Variants in TBC1D4 observed in about 807,000 individuals in gnomAD.
TBC1D4 encodes TBC (Tre-2, BUB2, CDC16) domain-containing protein.
In TBC1D4, 121 loss-of-function variants were observed where a neutral mutation model predicts 142.5. The observed-to-expected ratio is 0.85, with a 90% CI of 0.73 to 0.99. TBC1D4 has a LOEUF of 0.99. TBC1D4 is among the 50% of genes least tolerant of loss of function. The pLI is 0.00. For synonymous variants in TBC1D4, 630 were observed against 628.2 expected, an observed-to-expected ratio of 1.00 and a Z score of -0.04; for missense variants, 1,475 against 1,606.6, an observed-to-expected ratio of 0.92 and a Z score of 1.40.
chr13:75,412,069 GAGA>G (rs1316264446), intron 1 of TBC1D4, among the ~76,000 whole-genome samples: 9 of 152,148 alleles, frequency 5.9e-5, no homozygotes, highest in African/African-American at 1.4e-4. Context: ...GCATGTCTGG[GAGA>G]AGAAGAGAAT....
intron 1 of TBC1D4, among the ~76,000 whole-genome samples, chr13:75,422,100 T>C (rs1414016100): frequency 6.6e-6 from 1 of 152,208 alleles, no homozygotes; most frequent in East Asian, 1.9e-4. Flanking sequence ...TGGTCTTAAA[T>C]ACTGTTTTAA....
At chr13:75,315,913 A>G (rs1372775137) in intron 12 of TBC1D4, among the ~76,000 whole-genome samples, 3 of 152,220 alleles carry the variant, frequency 2.0e-5, no homozygotes, top group Admixed American at 1.3e-4. Context: ...CAAAAAGCAT[A>G]TTTTTTCTAG....
chr13:75,310,704 A>G (rs1877662753), intron 13 of TBC1D4, among the ~76,000 whole-genome samples: 1 of 152,126 alleles, frequency 6.6e-6, no homozygotes, highest in Non-Finnish European at 1.5e-5. Context: ...TGGGTAAATT[A>G]CGTGACTCTG....
chr13:75,421,816 T>C (rs1886182500), intron 1 of TBC1D4, among the ~76,000 whole-genome samples: 1 of 152,198 alleles, frequency 6.6e-6, no homozygotes, highest in Admixed American at 6.5e-5. Flanking sequence ...CTATAAAAAA[T>C]ACTGACTTTA....
chr13:75,463,126 C>T, intron 1 of TBC1D4, among the ~76,000 whole-genome samples: 1 of 152,026 alleles, frequency 6.6e-6, no homozygotes, highest in East Asian at 1.9e-4. Flanking sequence ...ACTGTTAACG[C>T]ACTCACAGTA....
intron 1 of TBC1D4, among the ~76,000 whole-genome samples, 159 bp downstream of exon 1, chr13:75,481,111 A>G (rs1888845108): frequency 6.6e-6 from 1 of 152,130 alleles, no homozygotes; most frequent in Non-Finnish European, 1.5e-5. Flanking sequence ...CCCAAGGTCC[A>G]GGGAAGGGGC....
At chr13:75,323,876 G>T (rs1488601385) in intron 11 of TBC1D4, among the ~76,000 whole-genome samples, 1 of 151,690 alleles carries the variant, frequency 6.6e-6, no homozygotes, top group African/African-American at 2.4e-5. Flanking sequence ...AATATGTCTA[G>T]AAAGGCCAAG....
chr13:75,364,062 T>C (rs1324673765), intron 1 of TBC1D4, among the ~76,000 whole-genome samples: 1 of 151,924 alleles, frequency 6.6e-6, no homozygotes, highest in African/African-American at 2.4e-5. Flanking sequence ...TCCACAAAGG[T>C]GGGAGAACTC....
rs552489981 is a variant in TBC1D4, at chr13:75,393,908, C to T, written c.499-31301G>A. ...TGCCATTGCACTCCAGCCTGGGCAA[C>T]AAGAGCAAAACTCTGTCTCAAAAAA... On this transcript the variant is annotated intron_variant, in intron 1 of 20. Transcript: ENST00000377636. 3.6e-5 allele frequency among the ~76,000 whole-genome samples: 5 copies of T among 138,048 alleles called. No individual in the cohort carries two copies. In the South Asian group the frequency reaches 1.1e-3, roughly 31 times the overall value. The allele number at this position is 138,048 out of a possible 152,430, so 90.6% of individuals were successfully genotyped here.
intron 1 of TBC1D4, among the ~76,000 whole-genome samples, chr13:75,378,308 G>A (rs1032303062): frequency 3.9e-5 from 6 of 151,916 alleles, no homozygotes; most frequent in Non-Finnish European, 8.8e-5. Flanking sequence ...ATCAGCTTTT[G>A]AAAAAAATAC....
Position 75,449,733 on chromosome 13 carries a change from GCAC to G in TBC1D4, c.498+31534_498+31536del, listed in dbSNP as rs1887454429. On this transcript the variant is annotated intron_variant, in intron 1 of 20. Transcript: ENST00000377636. ...CCCGAGTAACTGGGATTACAGGCAT[GCAC>G]CACCACACCTGGCTACTTTTTTGTA... is the stretch of plus-strand genomic sequence containing the variant. Among the ~76,000 whole-genome samples the G allele has an allele frequency of 1.3e-5, 2 of 151,684 alleles. 1 individual carries two copies. Among genetic ancestry groups the G allele is most frequent in the South Asian group, 4.2e-4 (2 of 4,806 alleles).
intron 11 of TBC1D4, among the ~76,000 whole-genome samples, chr13:75,320,867 CAAAAAAAAA>C (rs148657060): frequency 3.6e-5 from 3 of 84,378 alleles, no homozygotes; most frequent in African/African-American, 9.7e-5. Context: ...ACTAAAAATA[CAAAAAAAAA>C]AAAAAAAAAA....
At chr13:75,373,668 T>C (rs1304809458) in intron 1 of TBC1D4, among the ~76,000 whole-genome samples, 2 of 152,154 alleles carry the variant, frequency 1.3e-5, no homozygotes, top group East Asian at 1.9e-4. Context: ...TGGCTGCTCC[T>C]GGGGAATGAA....
At chr13:75,311,901 T>A (rs1877795069) in intron 13 of TBC1D4, among the ~76,000 whole-genome samples, 1 of 152,246 alleles carries the variant, frequency 6.6e-6, no homozygotes, top group African/African-American at 2.4e-5. Flanking sequence ...AAGTTCTCTA[T>A]AAATATTAGG....
chr13:75,391,744 C>T (rs997412358), intron 1 of TBC1D4, among the ~76,000 whole-genome samples: 5 of 152,164 alleles, frequency 3.3e-5, no homozygotes, highest in African/African-American at 1.2e-4. Flanking sequence ...GACCCTGCAC[C>T]ATCTGATGCC....
chr13:75,430,969 T>TGGTTAAAATA (rs1162782258), intron 1 of TBC1D4, among the ~76,000 whole-genome samples: 1 of 152,100 alleles, frequency 6.6e-6, no homozygotes, highest in Non-Finnish European at 1.5e-5. Flanking sequence ...CAAAGCTTTG[T>TGGTTAAAATA]GGTTAAAATA....
intron 14 of TBC1D4, among the ~76,000 whole-genome samples, chr13:75,309,162 T>C (rs1256442528): frequency 1.3e-5 from 2 of 152,170 alleles, no homozygotes; most frequent in Non-Finnish European, 2.9e-5. Flanking sequence ...GTTAAGTGAT[T>C]TTCCCAAAAT....
chr13:75,358,249 G>A lies in TBC1D4; in HGVS notation c.1170+1520C>T, dbSNP rs1882218421. On this transcript the variant is annotated intron_variant, in intron 3 of 20. Transcript: ENST00000377636. ...CTGTCTTAGTACATCTGACTCTGAT[G>A]TGCTACAGAATGACACCACAGCCTT... Among the ~76,000 whole-genome samples the A allele has an allele frequency of 2.6e-5, 4 of 152,276 alleles. No individual in the cohort carries two copies. In the South Asian group the frequency reaches 6.2e-4, roughly 24 times the overall value.
At chr13:75,304,364 A>G (rs1460165628) in intron 15 of TBC1D4, among the ~76,000 whole-genome samples, 1 of 152,212 alleles carries the variant, frequency 6.6e-6, no homozygotes, top group Admixed American at 6.5e-5. Flanking sequence ...ATGCCTCATC[A>G]TTGAGTGATG....
Sources: allele counts gnomAD v4.1 joint callset (sites outside exome capture counted in the v4.1 genomes callset), GRCh38; gene constraint gnomAD v4.1.1; transcripts MANE v1.5; gene names NCBI Gene and HGNC (gene_info 2026-07-23, HGNC 2026-07-21).